The following ALK variants were observed in gnomAD, a reference collection of about 807,000 sequenced individuals.
ALK encodes ALK tyrosine kinase receptor.
A neutral mutation model predicts 163.1 loss-of-function variants in ALK; 74 were observed. The ratio of observed to expected loss-of-function variants is 0.45; its 90% CI spans 0.38 to 0.55. The LOEUF (loss-of-function observed/expected upper bound fraction) is 0.55, where lower values mean the gene tolerates loss of function less well. ALK is among the 20% of genes least tolerant of loss of function. ALK has a pLI of 0.00. For synonymous variants in ALK, 960 were observed against 843.2 expected (o/e 1.14, Z -2.40); for missense variants, 2,063 against 2,105.3 (o/e 0.98, Z 0.39).
At chr2:29,562,242 G>A (rs1430368076) in intron 3 of ALK, among the ~76,000 whole-genome samples, 5 of 152,188 alleles carry the variant, frequency 3.3e-5, no homozygotes, top group African/African-American at 1.2e-4. Flanking sequence ...ACTCAACCCT[G>A]CTGCTCTCTA....
chr2:29,471,562 A>G (rs1671346780), intron 4 of ALK, among the ~76,000 whole-genome samples: 1 of 152,220 alleles, frequency 6.6e-6, no homozygotes, highest in Non-Finnish European at 1.5e-5. Flanking sequence ...AAATACAGAA[A>G]AAGCATTTGA....
rs1673136181 is a variant in ALK, at chr2:29,532,084, A to C, written c.985T>G (p.Ser329Ala). 1 of 1,613,972 alleles carries C rather than the reference A, an allele frequency of 6.2e-7. No individual in the cohort carries two copies. Among genetic ancestry groups the C allele is most frequent in the Non-Finnish European group, 8.5e-7 (1 of 1,179,968 alleles). The change falls in exon 4 of 29, where the codon TCC becomes GCC. Residue 329 changes from serine (S) to alanine (A), a missense_variant. By Grantham distance (99) the Ser-to-Ala change is moderately conservative (BLOSUM62 1). Transcript: ENST00000389048. The part of the protein sequence containing the change: ...SFLLLNTSAD[S>A]KHTILSPWMR... ...CACGGACTCAGGATGGTGTGCTTGG[A>C]GTCAGCTGAGGTGTTGAGAAGGAGA...
intron 3 of ALK, among the ~76,000 whole-genome samples, chr2:29,571,281 G>T (rs1042078480): frequency 1.3e-5 from 2 of 152,148 alleles, no homozygotes; most frequent in Non-Finnish European, 2.9e-5. Flanking sequence ...ATGTGGTTTG[G>T]TTCTGTGTCC....
intron 3 of ALK, among the ~76,000 whole-genome samples, chr2:29,542,118 G>A (rs4392206): frequency 4.6e-5 from 7 of 151,980 alleles, no homozygotes; most frequent in Admixed American, 4.6e-4. Flanking sequence ...CAATTAATCT[G>A]CCCTTTGTGG....
intron 1 of ALK, among the ~76,000 whole-genome samples, chr2:29,905,951 A>G (rs1255386323): frequency 6.6e-6 from 1 of 152,146 alleles, no homozygotes; most frequent in Non-Finnish European, 1.5e-5. Flanking sequence ...TTGTCTTCTC[A>G]TCTCAGAGAA....
At chr2:29,703,193 C>G (rs1678797310) in intron 2 of ALK, among the ~76,000 whole-genome samples, 1 of 152,186 alleles carries the variant, frequency 6.6e-6, no homozygotes, top group South Asian at 2.1e-4. Flanking sequence ...GGTTATTTTC[C>G]TGCTAAAAAT....
rs892131322 is a variant in ALK at position 29,275,108 on chromosome 2, C to T, written c.2032G>A (p.Asp678Asn). The T allele has an allele frequency of 6.2e-7, 1 of 1,614,116 alleles. No individual in the cohort carries two copies. The highest frequency in any genetic ancestry group is 8.5e-7 in the Non-Finnish European group (1 of 1,180,034). ...ENSPRQTPIFDPTVHWLFTTC... is the reference protein window; with the variant it reads ...ENSPRQTPIFNPTVHWLFTTC... ...TGAGCTGAACCCTTACCTGTAGGGTCAAAGATGGGGGTCTGTCTTGGTGAA... is the reference window on the plus strand; with the variant it reads ...TGAGCTGAACCCTTACCTGTAGGGTTAAAGATGGGGGTCTGTCTTGGTGAA... The change falls in exon 11 of 29, where the codon GAC becomes AAC. Residue 678 changes from aspartate (D) to asparagine (N), a missense_variant. Physicochemically the swap from Asp to Asn is conservative, Grantham distance 23. Around this residue, in one of 5 missense-constraint regions of ALK, gnomAD observed 987 missense variants for 939.5 expected, o/e 1.05. Coordinates refer to ENST00000389048, the MANE Select transcript of ALK (RefSeq NM_004304.5).
intron 1 of ALK, among the ~76,000 whole-genome samples, chr2:29,733,273 C>T (rs1029896734): frequency 6.6e-6 from 1 of 152,160 alleles, no homozygotes; most frequent in African/African-American, 2.4e-5. Context: ...GCAGCCAGGT[C>T]TTCTTATAGC....
intron 4 of ALK, among the ~76,000 whole-genome samples, chr2:29,428,227 A>G (rs755850830): frequency 7.9e-5 from 12 of 152,042 alleles, no homozygotes; most frequent in Non-Finnish European, 1.2e-4. Context: ...TACCAGAAAA[A>G]TAAGAGCAAA....
At chr2:29,433,053 T>C (rs913287487) in intron 4 of ALK, among the ~76,000 whole-genome samples, 7 of 152,212 alleles carry the variant, frequency 4.6e-5, no homozygotes, top group Admixed American at 1.3e-4. Flanking sequence ...GTCCTCTTTA[T>C]AGGACCCTTA....
chr2:29,759,236 ACTGAGGTTTT>A (rs905358999), intron 1 of ALK, among the ~76,000 whole-genome samples: 20 of 152,072 alleles, frequency 1.3e-4, no homozygotes, highest in African/African-American at 4.6e-4. Context: ...CTTTCACCTA[ACTGAGGTTTT>A]CTGTCTGCCT....
At chr2:29,777,059 G>A in intron 1 of ALK, among the ~76,000 whole-genome samples, 1 of 152,124 alleles carries the variant, frequency 6.6e-6, no homozygotes, top group East Asian at 1.9e-4. Context: ...TCTCAAGAAT[G>A]TGTCTCCTCA....
chr2:29,405,344 A>C (rs1333764730), intron 4 of ALK, among the ~76,000 whole-genome samples: 1 of 152,190 alleles, frequency 6.6e-6, no homozygotes, highest in Non-Finnish European at 1.5e-5. Flanking sequence ...TCTAACCTAC[A>C]ATATGCCTTT....
intron 1 of ALK, among the ~76,000 whole-genome samples, chr2:29,888,802 G>A (rs191225324): frequency 6.6e-5 from 10 of 152,134 alleles, no homozygotes; most frequent in Admixed American, 5.9e-4. Context: ...AAAGTTACAT[G>A]CCAATTTCTA....
At chr2:29,539,183 C>T (rs1268515422) in intron 3 of ALK, among the ~76,000 whole-genome samples, 10 of 152,082 alleles carry the variant, frequency 6.6e-5, no homozygotes, top group East Asian at 5.8e-4. Context: ...ATACTGATGG[C>T]TATATATTTC....
At chr2:29,445,028 A>G (rs1670638342) in intron 4 of ALK, among the ~76,000 whole-genome samples, 2 of 152,202 alleles carry the variant, frequency 1.3e-5, no homozygotes, top group Non-Finnish European at 2.9e-5. Flanking sequence ...CCAGGATTTG[A>G]ACTCAGCTCT....
intron 2 of ALK, among the ~76,000 whole-genome samples, chr2:29,710,032 C>A (rs770026999): frequency 6.6e-6 from 1 of 152,126 alleles, no homozygotes; most frequent in Non-Finnish European, 1.5e-5. Context: ...TGGGAGGGAC[C>A]CTGTGCAAGG....
intron 3 of ALK, among the ~76,000 whole-genome samples, chr2:29,572,476 G>C (rs1431945280): frequency 6.6e-6 from 1 of 152,138 alleles, no homozygotes; most frequent in Non-Finnish European, 1.5e-5. Flanking sequence ...TGGCTCTCTT[G>C]TGCCATGGCG....
rs530270544 is a variant in ALK at position 29,489,807 on chromosome 2, A to C, written c.1154+42108T>G. Among the ~76,000 whole-genome samples the C allele has an allele frequency of 2.6e-5, 4 of 152,338 alleles. No individual in the cohort carries two copies. In the East Asian group the frequency reaches 7.7e-4, roughly 29 times the overall value. ...GAAAGGCCTAGGATCTGGTGTCTGAAGGACATGGCACTAGACACCTGGTTA... is the reference window on the plus strand; with the variant it reads ...GAAAGGCCTAGGATCTGGTGTCTGACGGACATGGCACTAGACACCTGGTTA... On this transcript the variant is annotated intron_variant, in intron 4 of 28. Transcript: ENST00000389048.
Sources: allele counts gnomAD v4.1 joint callset (sites outside exome capture counted in the v4.1 genomes callset), GRCh38; gene constraint gnomAD v4.1.1; regional missense constraint gnomAD v4.1.1; transcripts MANE v1.5; gene names NCBI Gene and HGNC (gene_info 2026-07-23, HGNC 2026-07-21).